The following BCKDHB variants were observed in gnomAD, a reference collection of about 807,000 sequenced individuals.
The protein encoded by BCKDHB is branched chain keto acid dehydrogenase E1 subunit beta.
Under a neutral mutation model 48.5 loss-of-function variants are expected in BCKDHB, and 41 were observed. That is an observed-to-expected ratio of 0.85 (90% CI 0.66 to 1.10). BCKDHB has a LOEUF of 1.10. Among genes scored for constraint, BCKDHB ranks in the 50% least tolerant of loss-of-function variants. The pLI is 0.00. For missense variants in BCKDHB, 496 were observed against 494.2 expected (o/e 1.00, Z -0.03); for synonymous variants, 201 against 174.8 (o/e 1.15, Z -1.18).
the BCKDHB span, among the ~76,000 whole-genome samples, chr6:80,414,010 G>A: frequency 6.6e-6 from 1 of 152,046 alleles, no homozygotes; most frequent in African/African-American, 2.4e-5. Context: ...ATGTGAGATG[G>A]TATCTCGTTG....
chr6:80,254,037 C>CAGTATTAGATTAGTTATATATAGGTT (rs1776946525), intron 8 of BCKDHB, among the ~76,000 whole-genome samples: 1 of 151,694 alleles, frequency 6.6e-6, no homozygotes, highest in Non-Finnish European at 1.5e-5. Context: ...AATGTTGTAT[C>CAGTATTAGATTAGTTATATATAGGTT]AGTATTAGTG....
At chr6:80,446,564 A>G in the BCKDHB span, among the ~76,000 whole-genome samples, 1 of 152,138 alleles carries the variant, frequency 6.6e-6, no homozygotes, top group Non-Finnish European at 1.5e-5. Context: ...CAGTCTCAGA[A>G]GGCCCATTAC....
At chr6:80,385,091 TGACCA>T in the BCKDHB span, among the ~76,000 whole-genome samples, 1 of 152,212 alleles carries the variant, frequency 6.6e-6, no homozygotes, top group Non-Finnish European at 1.5e-5. Flanking sequence ...ATAATATCTT[TGACCA>T]TATGAGGAGA....
At chr6:80,272,237 A>G (rs1028184735) in intron 8 of BCKDHB, among the ~76,000 whole-genome samples, 1 of 152,188 alleles carries the variant, frequency 6.6e-6, no homozygotes, top group Non-Finnish European at 1.5e-5. Context: ...ATTGCCTAGA[A>G]TGAATGAAAT....
At chr6:80,121,326 G>A (rs568807833) in intron 1 of BCKDHB, among the ~76,000 whole-genome samples, 1 of 152,260 alleles carries the variant, frequency 6.6e-6, no homozygotes, top group African/African-American at 2.4e-5. Context: ...TTTTTGTTTA[G>A]GATTATCTTG....
At chr6:80,403,120 A>G in the BCKDHB span, among the ~76,000 whole-genome samples, 2 of 151,660 alleles carry the variant, frequency 1.3e-5, no homozygotes, top group African/African-American at 4.8e-5. Context: ...GGTTAACATT[A>G]TTTTTACTAT....
intron 1 of BCKDHB, among the ~76,000 whole-genome samples, chr6:80,113,742 G>A (rs542688996): frequency 5.3e-5 from 8 of 152,282 alleles, no homozygotes; most frequent in Admixed American, 4.6e-4. Flanking sequence ...AACAAAAGCC[G>A]AGATTTATTG....
At chr6:80,265,571 A>G (rs1777478306) in intron 8 of BCKDHB, among the ~76,000 whole-genome samples, 1 of 152,082 alleles carries the variant, frequency 6.6e-6, no homozygotes, top group Non-Finnish European at 1.5e-5. Context: ...GTTATTGTTT[A>G]ATGGCTACAG....
At chr6:80,413,350 G>A in the BCKDHB span, among the ~76,000 whole-genome samples, 871 of 152,076 alleles carry the variant, frequency 5.7e-3, 9 homozygotes, top group African/African-American at 0.02. Flanking sequence ...TGTTATATAG[G>A]TAAACTTATG....
chr6:80,303,080 C>G (rs1300896581), intron 9 of BCKDHB, among the ~76,000 whole-genome samples: 3 of 152,074 alleles, frequency 2.0e-5, no homozygotes, highest in Non-Finnish European at 4.4e-5. Flanking sequence ...AAGTCATATA[C>G]AGAAAAGTCC....
chr6:80,227,900 AG>A, intron 8 of BCKDHB, among the ~76,000 whole-genome samples: 1 of 152,302 alleles, frequency 6.6e-6, no homozygotes, highest in East Asian at 1.9e-4. Context: ...AACCCACTGT[AG>A]GGGGTTAGAA....
chr6:80,377,508 A>T, the BCKDHB span, among the ~76,000 whole-genome samples: 1 of 152,126 alleles, frequency 6.6e-6, no homozygotes, highest in Admixed American at 6.5e-5. Flanking sequence ...GACCCATTTT[A>T]AGTTAATTTC....
intron 5 of BCKDHB, chr6:80,169,988 CTGT>C: frequency 8.1e-7 from 1 of 1,233,838 alleles, no homozygotes; most frequent in South Asian, 3.1e-5. Flanking sequence ...CAGATCTTTT[CTGT>C]CTGTCCCCTG....
chr6:80,167,554 T>G, intron 3 of BCKDHB, 124 bp from the exon 4 acceptor site: 1 of 1,079,486 alleles, frequency 9.3e-7, no homozygotes, highest in Non-Finnish European at 1.4e-6. Context: ...ACTCTTTATT[T>G]TCTGTTTCCT....
intron 8 of BCKDHB, among the ~76,000 whole-genome samples, chr6:80,226,648 A>G (rs779181137): frequency 6.6e-6 from 1 of 152,234 alleles, no homozygotes; most frequent in African/African-American, 2.4e-5. Flanking sequence ...GAAATATACA[A>G]TAAGAAGCTG....
intron 3 of BCKDHB, among the ~76,000 whole-genome samples, chr6:80,145,038 A>G (rs945899802): frequency 2.0e-5 from 3 of 152,170 alleles, no homozygotes; most frequent in African/African-American, 7.2e-5. Flanking sequence ...ATAACGTATC[A>G]GGATTTTCTT....
At chr6:80,115,799 G>A (rs1769667152) in intron 1 of BCKDHB, among the ~76,000 whole-genome samples, 1 of 151,976 alleles carries the variant, frequency 6.6e-6, no homozygotes, top group African/African-American at 2.4e-5. Flanking sequence ...ACCACGCCTG[G>A]CTAATTTTTT....
chr6:80,426,863 G>A, the BCKDHB span, among the ~76,000 whole-genome samples: 1 of 152,162 alleles, frequency 6.6e-6, no homozygotes, highest in African/African-American at 2.4e-5. Flanking sequence ...TCCACATCTT[G>A]TATAACCTAT....
intron 6 of BCKDHB, among the ~76,000 whole-genome samples, chr6:80,187,011 C>G (rs1362561590): frequency 6.6e-6 from 1 of 152,126 alleles, no homozygotes; most frequent in East Asian, 1.9e-4. Context: ...AAGTAAGTAG[C>G]CTGTGAATTC....
Sources: allele counts gnomAD v4.1 joint callset (sites outside exome capture counted in the v4.1 genomes callset), GRCh38; gene constraint gnomAD v4.1.1; transcripts MANE v1.5; gene names NCBI Gene and HGNC (gene_info 2026-07-23, HGNC 2026-07-21).